ADGRA3: variants seen among roughly 807,000 people sequenced by gnomAD.
ADGRA3 encodes the protein adhesion G protein-coupled receptor A3.
A neutral mutation model predicts 119.8 loss-of-function variants in ADGRA3; 56 were observed. The observed-to-expected ratio is 0.47, with a 90% CI of 0.38 to 0.58. The LOEUF (loss-of-function observed/expected upper bound fraction) is 0.58. ADGRA3 is among the 20% of genes least tolerant of loss of function. ADGRA3 has a pLI of 0.00. For synonymous variants in ADGRA3, 607 were observed against 623.8 expected (o/e 0.97, Z 0.40); for missense variants, 1,516 against 1,649.0 (o/e 0.92, Z 1.40).
intron 12 of ADGRA3, among the ~76,000 whole-genome samples, chr4:22,418,183 A>G (rs6841401): frequency 0.23 from 35,033 of 152,104 alleles, 5,203 homozygotes; most frequent in African/African-American, 0.4. Flanking sequence ...TCAGTAAGAG[A>G]CAAGTATCAG....
rs185375100 is a variant in ADGRA3, at chr4:22,442,597, T to C, written c.920+53A>G. The C allele has an allele frequency of 2.3e-5, 29 of 1,263,568 alleles. No individual in the cohort carries two copies. In the Admixed American group the frequency reaches 2.3e-4, roughly 10 times the overall value. The allele number at this position is 1,263,568 out of a possible 1,614,324, so 78.3% of individuals were successfully genotyped here. A position where few individuals can be genotyped will look rare whatever the true frequency, so the allele number is the denominator to read the frequency against. ...ACTAAACATTACACCTCCAAAAGGATAAATAAAATACACAGGCACAATTCT... is the reference window on the plus strand; with the variant it reads ...ACTAAACATTACACCTCCAAAAGGACAAATAAAATACACAGGCACAATTCT... On this transcript the variant is annotated intron_variant, in intron 7 of 18. Transcript: ENST00000334304.
chr4:22,440,934 G>A (rs955216915), intron 7 of ADGRA3, among the ~76,000 whole-genome samples: 1 of 152,142 alleles, frequency 6.6e-6, no homozygotes, highest in African/African-American at 2.4e-5. Flanking sequence ...AGCAATCACT[G>A]AGTAGCTCAT....
At chr4:22,485,083 C>G (rs577995663) in intron 1 of ADGRA3, among the ~76,000 whole-genome samples, 105 of 152,294 alleles carry the variant, frequency 6.9e-4, no homozygotes, top group Non-Finnish European at 1.2e-3. Flanking sequence ...TGACCCCACA[C>G]CAGCACTTTT....
At chr4:22,499,552 T>A (rs1718978321) in intron 1 of ADGRA3, among the ~76,000 whole-genome samples, 1 of 152,150 alleles carries the variant, frequency 6.6e-6, no homozygotes, top group Admixed American at 6.5e-5. Context: ...TAGACAGAAC[T>A]AGAGTGTTAT....
chr4:22,441,181 A>G (rs574543084), intron 7 of ADGRA3, among the ~76,000 whole-genome samples: 1 of 152,298 alleles, frequency 6.6e-6, no homozygotes, highest in South Asian at 2.1e-4. Context: ...AAATCAGAAG[A>G]CAGAGGTAGA....
chr4:22,493,715 G>GC (rs1478352435), intron 1 of ADGRA3, among the ~76,000 whole-genome samples: 2 of 152,166 alleles, frequency 1.3e-5, no homozygotes, highest in Non-Finnish European at 2.9e-5. Flanking sequence ...GTGAACCAGA[G>GC]CAAGTCCATC....
chr4:22,515,597 A>T lies in ADGRA3; in HGVS notation c.188T>A (p.Val63Glu). The change falls in exon 1 of 19, where the codon GTG becomes GAG. Residue 63 changes from valine (V) to glutamate (E), a missense_variant. Physicochemically the swap from Val to Glu is moderately radical, Grantham distance 121. Around this residue, in one of 2 missense-constraint regions of ADGRA3, gnomAD observed 428 missense variants for 541.9 expected, o/e 0.79. Coordinates refer to ENST00000334304, the MANE Select transcript of ADGRA3 (RefSeq NM_145290.4). ...CGCGAGTTCCAGGCTGCTGCACACC[A>T]CCTTGCCCTCGGCGGCGCCCGCCGC... The part of the protein sequence containing the change: ...GRAAGAAEGK[V>E]VCSSLELAQV... 1 of 1,566,782 alleles carries T rather than the reference A, an allele frequency of 6.4e-7. No individual in the cohort carries two copies. Among genetic ancestry groups the T allele is most frequent in the Non-Finnish European group, 8.6e-7 (1 of 1,157,266 alleles).
intron 9 of ADGRA3, among the ~76,000 whole-genome samples, 175 bp downstream of exon 9, chr4:22,436,265 G>A (rs1716386716): frequency 6.6e-6 from 1 of 151,634 alleles, no homozygotes; most frequent in African/African-American, 2.4e-5. Context: ...TCTATAGAGG[G>A]CCTTGACTAG....
chr4:22,500,865 C>A (rs969137475), intron 1 of ADGRA3, among the ~76,000 whole-genome samples: 20 of 152,238 alleles, frequency 1.3e-4, no homozygotes, highest in African/African-American at 4.8e-4. Context: ...AAGTAGACTG[C>A]CTACTTTAAG....
At chr4:22,452,184 T>C (rs948714359) in intron 4 of ADGRA3, among the ~76,000 whole-genome samples, 1 of 152,194 alleles carries the variant, frequency 6.6e-6, no homozygotes, top group African/African-American at 2.4e-5. Flanking sequence ...GGTATACTGC[T>C]ATATATGCCA....
intron 1 of ADGRA3, among the ~76,000 whole-genome samples, chr4:22,507,961 T>C (rs1392937030): frequency 6.6e-6 from 1 of 152,168 alleles, no homozygotes; most frequent in Non-Finnish European, 1.5e-5. Flanking sequence ...TTTGCTATAA[T>C]AAGGTAAACA....
chr4:22,512,128 C>G (rs1406977011), intron 1 of ADGRA3, among the ~76,000 whole-genome samples: 1 of 151,720 alleles, frequency 6.6e-6, no homozygotes, highest in Non-Finnish European at 1.5e-5. Context: ...CTCGAACTCC[C>G]GGTCTCAAGT....
intron 7 of ADGRA3, among the ~76,000 whole-genome samples, chr4:22,441,143 T>G (rs770495148): frequency 6.6e-6 from 1 of 152,170 alleles, no homozygotes; most frequent in African/African-American, 2.4e-5. Context: ...CTCACTCAAA[T>G]AGAAACTCAC....
chr4:22,407,521 A>G (rs1342027967), intron 14 of ADGRA3, among the ~76,000 whole-genome samples: 1 of 152,170 alleles, frequency 6.6e-6, no homozygotes, highest in Non-Finnish European at 1.5e-5. Flanking sequence ...GCAACACAGT[A>G]ATAAATAAAA....
intron 1 of ADGRA3, among the ~76,000 whole-genome samples, chr4:22,514,022 G>A (rs1025724648): frequency 6.6e-6 from 1 of 152,000 alleles, no homozygotes; most frequent in Non-Finnish European, 1.5e-5. Context: ...CAATTTACTA[G>A]TAGTTGACCT....
chr4:22,438,469 A>G, intron 7 of ADGRA3, 49 bp from the exon 8 acceptor site: 1 of 1,483,634 alleles, frequency 6.7e-7, no homozygotes, highest in East Asian at 2.3e-5. Flanking sequence ...TTAGGCAAAA[A>G]AGGAGACAAT....
At position 22,435,228 on chromosome 4, in the gene ADGRA3, A is replaced by G. The variant is rs187831107; in HGVS notation, c.1443+83T>C. ...TAGCTCAAATATGATAAACATAAAC[A>G]GGCCTTAAAATACATAGATTGAACT... On this transcript the variant is annotated intron_variant, in intron 10 of 18. Transcript: ENST00000334304. 1.1e-5 allele frequency: 12 copies of G among 1,109,538 alleles called. No individual in the cohort carries two copies. The East Asian group carries it at 2.9e-4, about 26-fold the overall frequency. The allele number at this position is 1,109,538 out of a possible 1,614,324, so 68.7% of individuals were successfully genotyped here.
At chr4:22,452,792 T>A (rs1291510689) in intron 4 of ADGRA3, among the ~76,000 whole-genome samples, 2 of 152,192 alleles carry the variant, frequency 1.3e-5, no homozygotes, top group African/African-American at 4.8e-5. Context: ...AACAAAATAG[T>A]AGGCTCCACT....
At chr4:22,444,882 A>T (rs1716769882) in intron 6 of ADGRA3, 91 bp downstream of exon 6, 4 of 1,300,322 alleles carry the variant, frequency 3.1e-6, no homozygotes, top group Non-Finnish European at 4.4e-6. Flanking sequence ...GTTCTGTCCA[A>T]GTATAAAGAG....
Sources: gnomAD v4.1 joint callset for allele counts (sites outside exome capture counted in the v4.1 genomes callset) on GRCh38, gnomAD v4.1.1 for gene constraint, gnomAD v4.1.1 regional missense constraint, MANE v1.5 for transcripts, NCBI Gene and HGNC (gene_info 2026-07-23, HGNC 2026-07-21) for gene names.